The following PLCB4 variants were observed in gnomAD, a reference collection of about 807,000 sequenced individuals.
The protein encoded by PLCB4 is phospholipase C beta 4.
In PLCB4, 77 loss-of-function variants were observed where a neutral mutation model predicts 178.8. The ratio of observed to expected loss-of-function variants is 0.43; its 90% CI spans 0.36 to 0.52. PLCB4 has a LOEUF of 0.52. Among genes scored for constraint, PLCB4 ranks in the 20% least tolerant of loss-of-function variants. PLCB4 has a pLI of 0.00. For synonymous variants in PLCB4, 496 were observed against 490.8 expected (o/e 1.01, Z -0.14); for missense variants, 1,024 against 1,453.4 (o/e 0.70, Z 4.80).
chr20:9,276,794 T>C (rs930186541), intron 3 of PLCB4, among the ~76,000 whole-genome samples: 1 of 151,966 alleles, frequency 6.6e-6, no homozygotes, highest in Non-Finnish European at 1.5e-5. Context: ...AGCACTGAGA[T>C]CACCAGGGAG....
At chr20:9,401,018 T>C (rs888140790) in intron 19 of PLCB4, among the ~76,000 whole-genome samples, 3 of 152,208 alleles carry the variant, frequency 2.0e-5, no homozygotes, top group South Asian at 4.1e-4. Flanking sequence ...CACTCCAAGC[T>C]ATAAGTCATT....
intron 3 of PLCB4, among the ~76,000 whole-genome samples, chr20:9,247,434 T>C (rs2094137245): frequency 6.6e-6 from 1 of 152,178 alleles, no homozygotes; most frequent in Admixed American, 6.6e-5. Context: ...ACCTAAGATA[T>C]TGTAGACATT....
At chr20:9,127,045 A>G (rs1183122961) in intron 2 of PLCB4, among the ~76,000 whole-genome samples, 1 of 152,122 alleles carries the variant, frequency 6.6e-6, no homozygotes, top group Non-Finnish European at 1.5e-5. Flanking sequence ...TTAAAGCTAG[A>G]TGGGAATTAC....
At chr20:9,137,630 A>G (rs2092409459) in intron 2 of PLCB4, among the ~76,000 whole-genome samples, 1 of 151,978 alleles carries the variant, frequency 6.6e-6, no homozygotes, top group Non-Finnish European at 1.5e-5. Context: ...GGATCTATCC[A>G]TCTGGAAATT....
chr20:9,194,727 T>A (rs1000828201), intron 2 of PLCB4, among the ~76,000 whole-genome samples: 10 of 150,424 alleles, frequency 6.6e-5, no homozygotes, highest in East Asian at 1.9e-4. Context: ...AACCTTTTTT[T>A]AATTTCCTTA....
At chr20:9,302,506 G>A (rs901499655) in intron 3 of PLCB4, among the ~76,000 whole-genome samples, 14 of 151,986 alleles carry the variant, frequency 9.2e-5, no homozygotes, top group East Asian at 1.9e-4. Context: ...GAACAGCCTC[G>A]ACCACAGCCA....
chr20:9,464,313 C>T (rs2122530449), intron 35 of PLCB4, among the ~76,000 whole-genome samples: 1 of 152,172 alleles, frequency 6.6e-6, no homozygotes, highest in African/African-American at 2.4e-5. Flanking sequence ...ACTAAATGCC[C>T]ACAAGAGAAA....
At chr20:9,245,123 G>T (rs150164842) in intron 3 of PLCB4, among the ~76,000 whole-genome samples, 44 of 152,218 alleles carry the variant, frequency 2.9e-4, no homozygotes, top group Non-Finnish European at 6.0e-4. Flanking sequence ...TATGGTGGAG[G>T]CAGGAGTTCA....
In PLCB4 at chr20:9,405,341, A is replaced by G; in HGVS notation, c.1640A>G (p.Asn547Ser). 1 of 1,536,086 alleles carries G rather than the reference A, an allele frequency of 6.5e-7. No homozygotes were observed. Among genetic ancestry groups the G allele is most frequent in the Non-Finnish European group, 8.9e-7 (1 of 1,127,684 alleles). ...KASDDLEHEN[N>S]KKGLVTVEDE... ...TCAGATGACCTTGAACATGAAAACA[A>G]CAAAAAGGTAACAAAATAATTCCCT... Residue 547 changes from asparagine (N) to serine (S), a missense_variant, in exon 21 of 40, where the codon AAC (asparagine) becomes AGC (serine). By Grantham distance (46) the Asn-to-Ser change is conservative (BLOSUM62 1). Coordinates refer to ENST00000378473, the MANE Select transcript of PLCB4 (RefSeq NM_001377142.1).
intron 3 of PLCB4, chr20:9,280,407 A>T (rs541084890): frequency 1.0e-6 from 1 of 972,894 alleles, no homozygotes; most frequent in East Asian, 1.1e-4. Flanking sequence ...TCAAAGGACA[A>T]AGATATTGTG....
intron 34 of PLCB4, among the ~76,000 whole-genome samples, chr20:9,458,579 G>C (rs2043196920): frequency 6.6e-6 from 1 of 151,792 alleles, no homozygotes; most frequent in African/African-American, 2.4e-5. Context: ...ACTGTCAGCA[G>C]GGGGCGTATG....
intron 2 of PLCB4, among the ~76,000 whole-genome samples, chr20:9,097,232 CTTTTTTTTTT>C (rs544568591): frequency 7.4e-5 from 6 of 81,076 alleles, no homozygotes; most frequent in African/African-American, 9.9e-5. Flanking sequence ...ACAGCCTGGC[CTTTTTTTTTT>C]TTTTTTTTTT....
chr20:9,078,878 G>A lies in PLCB4; in HGVS notation c.-135+9672G>A, dbSNP rs556494443. 7.2e-5 allele frequency among the ~76,000 whole-genome samples: 11 copies of A among 152,294 alleles called. No individual in the cohort carries two copies. The East Asian group carries it at 2.1e-3, about 29-fold the overall frequency. On this transcript the variant is annotated intron_variant, in intron 1 of 39. Coordinates refer to ENST00000378473, the MANE Select transcript of PLCB4 (RefSeq NM_001377142.1). ...TCTTGATTAGATAAATGACAGCAAA[G>A]TGAAATACTGTTTCTGTTTCCCAAA... is the stretch of plus-strand genomic sequence containing the variant.
intron 3 of PLCB4, among the ~76,000 whole-genome samples, chr20:9,306,466 C>A (rs1403104792): frequency 6.6e-6 from 1 of 152,138 alleles, no homozygotes; most frequent in Non-Finnish European, 1.5e-5. Context: ...TCTGAGTTTT[C>A]TTTACAATTC....
chr20:9,456,151 C>CAT (rs1374194927), intron 33 of PLCB4, among the ~76,000 whole-genome samples: 4 of 152,162 alleles, frequency 2.6e-5, no homozygotes, highest in Non-Finnish European at 5.9e-5. Context: ...GGACTTTTAA[C>CAT]TGCAACTGAG....
At chr20:9,076,828 T>C (rs2089892762) in intron 1 of PLCB4, among the ~76,000 whole-genome samples, 1 of 91,156 alleles carries the variant, frequency 1.1e-5, no homozygotes, top group Non-Finnish European at 2.5e-5. Context: ...GGATTTCTTT[T>C]AATTTTTTTT....
chr20:9,442,962 T>G (rs73068485), intron 30 of PLCB4, among the ~76,000 whole-genome samples: 1,765 of 152,308 alleles, frequency 0.012, 19 homozygotes, highest in Admixed American at 0.02. Flanking sequence ...GCCTTTGGGA[T>G]TCTAATGGAA....
chr20:9,224,005 A>C (rs1361489184), intron 3 of PLCB4, among the ~76,000 whole-genome samples: 1 of 152,166 alleles, frequency 6.6e-6, no homozygotes, highest in East Asian at 1.9e-4. Context: ...TTATCTCGGG[A>C]ATTTTCCATT....
At chr20:9,324,016 G>T (rs537001146) in intron 4 of PLCB4, among the ~76,000 whole-genome samples, 1 of 152,118 alleles carries the variant, frequency 6.6e-6, no homozygotes, top group South Asian at 2.1e-4. Context: ...TTGCCCTAAT[G>T]AATTGCTCAC....
Sources: allele counts gnomAD v4.1 joint callset (sites outside exome capture counted in the v4.1 genomes callset), GRCh38; gene constraint gnomAD v4.1.1; transcripts MANE v1.5; gene names NCBI Gene and HGNC (gene_info 2026-07-23, HGNC 2026-07-21).